The following DMD variants were observed in gnomAD, a reference collection of about 807,000 sequenced individuals.
The protein encoded by DMD is dystrophin, also known as mutant dystrophin.
Under a neutral mutation model 330.1 loss-of-function variants are expected in DMD, and 63 were observed. The observed-to-expected ratio is 0.19, with a 90% CI of 0.16 to 0.24. The LOEUF is 0.24. Among genes scored for constraint, DMD ranks in the 10% least tolerant of loss-of-function variants. DMD has a pLI of 1.00. For synonymous variants in DMD, 1,223 were observed against 959.8 expected (o/e 1.27, Z -5.07); for missense variants, 3,344 against 2,684.1 (o/e 1.25, Z -5.43).
intron 7 of DMD, among the ~76,000 whole-genome samples, chrX:32,804,845 G>C (rs1490064330): frequency 8.9e-6 from 1 of 112,029 alleles, no homozygotes; most frequent in Non-Finnish European, 1.9e-5. Context: ...GTCTAGAGTG[G>C]ACCTCCAGTA....
chrX:32,261,484 A>G (rs2097323239), intron 43 of DMD, among the ~76,000 whole-genome samples: 1 of 112,258 alleles, frequency 8.9e-6, no homozygotes, highest in Non-Finnish European at 1.9e-5. Context: ...TGAGGACATT[A>G]TAAGAAATAA....
intron 9 of DMD, among the ~76,000 whole-genome samples, chrX:32,673,039 G>A (rs2061728238): frequency 9.0e-6 from 1 of 111,459 alleles, no homozygotes; most frequent in African/African-American, 3.3e-5. Flanking sequence ...GTATGTGTGT[G>A]TATGTGTATG....
chrX:32,332,077 T>C (rs760256921), intron 41 of DMD, among the ~76,000 whole-genome samples: 1 of 111,857 alleles, frequency 8.9e-6, no homozygotes, highest in Admixed American at 9.5e-5. Flanking sequence ...TATACTTCTA[T>C]CGATTTAATG....
chrX:31,516,944 G>A (rs1263382217), intron 55 of DMD, among the ~76,000 whole-genome samples: 1 of 111,125 alleles, frequency 9.0e-6, no homozygotes, highest in Non-Finnish European at 1.9e-5. Flanking sequence ...CCCGAACTCT[G>A]GTAATACGTG....
At chrX:32,583,303 C>G (rs1054899197) in intron 13 of DMD, among the ~76,000 whole-genome samples, 1 of 111,384 alleles carries the variant, frequency 9.0e-6, no homozygotes, top group Non-Finnish European at 1.9e-5. Flanking sequence ...CAAGACCAAC[C>G]TGACCAACAT....
intron 1 of DMD, among the ~76,000 whole-genome samples, chrX:33,302,696 C>T (rs1470167979): frequency 9.0e-6 from 1 of 111,166 alleles, no homozygotes; most frequent in Non-Finnish European, 1.9e-5. Flanking sequence ...CCTCCACACA[C>T]GTACAGCCAC....
At chrX:32,120,726 T>C (rs1001787359) in intron 44 of DMD, among the ~76,000 whole-genome samples, 2 of 112,248 alleles carry the variant, frequency 1.8e-5, no homozygotes, top group East Asian at 2.8e-4. Flanking sequence ...ACCAAACTCA[T>C]ACAAATTCAG....
rs937481281 is a variant in DMD at position 32,121,030 on chromosome X, G to A, written c.6438+95886C>T. On this transcript the variant is annotated intron_variant, in intron 44 of 78. Transcript: ENST00000357033. ...TAATACAAATGCATCGACTGAAATA[G>A]GTAGAGAACAAGCCCGGAAGTGCAA... is the stretch of plus-strand genomic sequence containing the variant. Among the ~76,000 whole-genome samples the A allele has an allele frequency of 1.5e-4, 17 of 111,990 alleles. No homozygotes were observed. The Admixed American group carries it at 1.6e-3, about 11-fold the overall frequency.
chrX:31,452,815 G>A (rs2065858493), intron 59 of DMD, among the ~76,000 whole-genome samples: 1 of 111,769 alleles, frequency 8.9e-6, no homozygotes, highest in Admixed American at 9.5e-5. Flanking sequence ...TTTTCTGGGT[G>A]CTCACATTTC....
chrX:32,325,700 G>A (rs983837623), intron 41 of DMD, among the ~76,000 whole-genome samples: 1 of 111,513 alleles, frequency 9.0e-6, no homozygotes, highest in African/African-American at 3.3e-5. Context: ...TTAGGTGCCT[G>A]AGATTCCTGG....
At chrX:32,694,805 C>T (rs182058092) in intron 9 of DMD, among the ~76,000 whole-genome samples, 10 of 110,748 alleles carry the variant, frequency 9.0e-5, no homozygotes, top group Admixed American at 1.9e-4. Flanking sequence ...TACAGGTGTG[C>T]GCCACCACAC....
chrX:32,966,843 TAAAC>T, intron 2 of DMD, among the ~76,000 whole-genome samples: 1 of 112,112 alleles, frequency 8.9e-6, no homozygotes, highest in Non-Finnish European at 1.9e-5. Flanking sequence ...GTCTGAGTGA[TAAAC>T]ATCCTGCAGG....
chrX:31,694,222 C>G (rs958599586), intron 52 of DMD, among the ~76,000 whole-genome samples: 7 of 110,415 alleles, frequency 6.3e-5, no homozygotes, highest in African/African-American at 2.3e-4. Flanking sequence ...AAAACTGGAC[C>G]CTTATCTCAC....
chrX:32,320,587 A>T (rs960788185), intron 41 of DMD, among the ~76,000 whole-genome samples: 2 of 111,330 alleles, frequency 1.8e-5, no homozygotes, highest in African/African-American at 3.3e-5. Context: ...CATTTTATTT[A>T]TAGAAAAGGT....
intron 55 of DMD, among the ~76,000 whole-genome samples, chrX:31,585,918 T>G (rs2076581000): frequency 9.0e-6 from 1 of 111,398 alleles, no homozygotes; most frequent in African/African-American, 3.3e-5. Flanking sequence ...ATAGTTTTTT[T>G]TTTGGTTTGT....
chrX:31,958,210 C>T lies in DMD; in HGVS notation c.6614+10129G>A, dbSNP rs564710504. The stretch of plus-strand genomic sequence containing the variant: ...TAACCTTAAAGGGAGAGAGAATTTA[C>T]AGCAACCCAAGTAAGGAGTCTGACT... On this transcript the variant is annotated intron_variant, in intron 45 of 78. Coordinates refer to ENST00000357033, the MANE Select transcript of DMD (RefSeq NM_004006.3). Among the ~76,000 whole-genome samples the T allele has an allele frequency of 2.0e-4, 21 of 104,170 alleles. No individual in the cohort carries two copies. The South Asian group carries it at 9.8e-3, about 49-fold the overall frequency. The allele number at this position is 104,170 out of a possible 115,157, so 90.5% of individuals were successfully genotyped here. A position where few individuals can be genotyped will look rare whatever the true frequency, so the allele number is the denominator to read the frequency against.
intron 60 of DMD, among the ~76,000 whole-genome samples, chrX:31,425,685 C>A (rs772141754): frequency 9.2e-6 from 1 of 108,374 alleles, no homozygotes; most frequent in African/African-American, 3.4e-5. Context: ...CACAGACACA[C>A]AGGCATGAGT....
At chrX:32,319,647 T>TACATTAGCTACATAGCAC in intron 41 of DMD, among the ~76,000 whole-genome samples, 1 of 111,593 alleles carries the variant, frequency 9.0e-6, no homozygotes, top group Non-Finnish European at 1.9e-5. Context: ...AGCTACATGC[T>TACATTAGCTACATAGCAC]ATTGTACATG....
chrX:31,397,253 T>C (rs2060986493), intron 60 of DMD, among the ~76,000 whole-genome samples: 1 of 112,219 alleles, frequency 8.9e-6, no homozygotes, highest in Non-Finnish European at 1.9e-5. Flanking sequence ...ATTACTCATG[T>C]TTTAATTTCA....
Sources: gnomAD v4.1 joint callset for allele counts (sites outside exome capture counted in the v4.1 genomes callset) on GRCh38, gnomAD v4.1.1 for gene constraint, MANE v1.5 for transcripts, NCBI Gene and HGNC (gene_info 2026-07-23, HGNC 2026-07-21) for gene names.